Variants in TSHZ2 observed in about 807,000 individuals in gnomAD.
TSHZ2 encodes teashirt zinc finger homeobox 2, also known as teashirt homolog 2.
Under a neutral mutation model 74.4 loss-of-function variants are expected in TSHZ2, and 21 were observed. The ratio of observed to expected loss-of-function variants is 0.28; its 90% CI spans 0.20 to 0.41. The LOEUF (loss-of-function observed/expected upper bound fraction) is 0.41, where lower values mean the gene tolerates loss of function less well. Ranked by LOEUF, TSHZ2 falls within the 10% of genes least tolerant of loss-of-function variation. The probability of loss-of-function intolerance (pLI) is 1.00; values close to 1 mark genes in which losing one functional copy is unlikely to be tolerated. For synonymous variants in TSHZ2, 540 were observed against 515.3 expected (o/e 1.05, Z -0.65); for missense variants, 1,244 against 1,293.5 (o/e 0.96, Z 0.59).
intron 1 of TSHZ2, among the ~76,000 whole-genome samples, chr20:52,979,798 A>G (rs1355446931): frequency 1.3e-5 from 2 of 152,226 alleles, no homozygotes; most frequent in Non-Finnish European, 2.9e-5. Context: ...GAGGCACAGC[A>G]AGATAATCCG....
intron 1 of TSHZ2, among the ~76,000 whole-genome samples, chr20:53,222,094 G>C (rs1407615027): frequency 2.0e-5 from 3 of 152,048 alleles, no homozygotes; most frequent in African/African-American, 7.2e-5. Context: ...TAATATTTAG[G>C]CTAAAAGATA....
At chr20:53,464,404 G>A (rs1244398214) in intron 2 of TSHZ2, among the ~76,000 whole-genome samples, 1 of 152,174 alleles carries the variant, frequency 6.6e-6, no homozygotes, top group African/African-American at 2.4e-5. Flanking sequence ...GTGGAGTTGT[G>A]AGAAGGGCCC....
intron 1 of TSHZ2, among the ~76,000 whole-genome samples, chr20:53,150,336 A>T (rs1987646088): frequency 6.6e-6 from 1 of 152,188 alleles, no homozygotes; most frequent in Admixed American, 6.5e-5. Flanking sequence ...TGATTTAGGA[A>T]ATTAACAATT....
At chr20:53,317,060 G>C (rs151034281) in intron 2 of TSHZ2, among the ~76,000 whole-genome samples, 2 of 152,186 alleles carry the variant, frequency 1.3e-5, no homozygotes, top group Non-Finnish European at 2.9e-5. Flanking sequence ...GCTAATAACA[G>C]TGTGAGAAAG....
chr20:53,378,537 G>A (rs1981744656), intron 2 of TSHZ2, among the ~76,000 whole-genome samples: 3 of 151,956 alleles, frequency 2.0e-5, no homozygotes. Context: ...GTTTCAGTGT[G>A]TCTCTGAATA....
intron 2 of TSHZ2, among the ~76,000 whole-genome samples, chr20:53,364,418 C>G (rs1981181263): frequency 6.6e-6 from 1 of 152,052 alleles, no homozygotes. Context: ...GCCCTCTCCT[C>G]TCTATCCTGC....
intron 1 of TSHZ2, among the ~76,000 whole-genome samples, chr20:53,139,809 G>A (rs1173807798): frequency 2.0e-5 from 3 of 152,038 alleles, no homozygotes; most frequent in Admixed American, 6.5e-5. Context: ...GAATCCATTC[G>A]ACTGTTTATT....
Position 53,191,450 on chromosome 20 carries a change from G to A in TSHZ2, c.41-62049G>A, listed in dbSNP as rs139075477. ...GGCCGAGGCGGGTGGATCACTTGAG[G>A]CCAGGAGTTTGAAACCAGCCTGGGC... On this transcript the variant is annotated intron_variant, in intron 1 of 2. Transcript: ENST00000371497. Among the ~76,000 whole-genome samples, 315 of 152,274 alleles carry A rather than the reference G, an allele frequency of 2.1e-3. 1 individual carries two copies. The highest frequency in any genetic ancestry group is 7.1e-3 in the African/African-American group (293 of 41,540).
At chr20:53,447,797 TCTC>T (rs1424102081) in intron 2 of TSHZ2, among the ~76,000 whole-genome samples, 6 of 152,198 alleles carry the variant, frequency 3.9e-5, no homozygotes, top group Non-Finnish European at 7.3e-5. Context: ...TGATGTGCTC[TCTC>T]CTCGGTGCCT....
intron 2 of TSHZ2, among the ~76,000 whole-genome samples, chr20:53,266,914 C>A (rs1280239210): frequency 1.3e-5 from 2 of 151,830 alleles, no homozygotes; most frequent in East Asian, 3.9e-4. Context: ...AGTAGCTGAG[C>A]TTACGGGTGC....
At chr20:52,980,211 G>T (rs982120521) in intron 1 of TSHZ2, among the ~76,000 whole-genome samples, 1 of 152,192 alleles carries the variant, frequency 6.6e-6, no homozygotes, top group African/African-American at 2.4e-5. Context: ...ACTTTGTTGC[G>T]GCAGGATAAG....
At chr20:53,400,189 G>A (rs1982606458) in intron 2 of TSHZ2, 1 of 152,302 alleles carries the variant, frequency 6.6e-6, no homozygotes, top group South Asian at 2.1e-4. Context: ...GCACACTGTA[G>A]GGTGCTGAAT....
At chr20:53,041,535 C>G (rs1486209122) in intron 1 of TSHZ2, among the ~76,000 whole-genome samples, 1 of 152,066 alleles carries the variant, frequency 6.6e-6, no homozygotes, top group Non-Finnish European at 1.5e-5. Context: ...CCAGGACCAA[C>G]GACATAAAGG....
At chr20:52,975,786 C>T (rs761017688) in intron 1 of TSHZ2, among the ~76,000 whole-genome samples, 1 of 152,182 alleles carries the variant, frequency 6.6e-6, no homozygotes, top group Non-Finnish European at 1.5e-5. Flanking sequence ...ATGCCCTACT[C>T]TATTTCAGCT....
At chr20:53,010,184 C>T (rs1263687004) in intron 1 of TSHZ2, among the ~76,000 whole-genome samples, 1 of 152,128 alleles carries the variant, frequency 6.6e-6, no homozygotes, top group Non-Finnish European at 1.5e-5. Flanking sequence ...TTGGATGGAA[C>T]CCAGGAATCT....
At chr20:52,996,985 TAATTA>T (rs991739565) in intron 1 of TSHZ2, among the ~76,000 whole-genome samples, 6 of 152,008 alleles carry the variant, frequency 3.9e-5, no homozygotes, top group Admixed American at 1.3e-4. Flanking sequence ...CAGAGGTGAG[TAATTA>T]AATTGAGCTC....
At chr20:53,245,042 T>G (rs909537527) in intron 1 of TSHZ2, among the ~76,000 whole-genome samples, 1 of 152,196 alleles carries the variant, frequency 6.6e-6, no homozygotes, top group East Asian at 1.9e-4. Context: ...CAGCCATCTG[T>G]GGGTTCAGGT....
chr20:53,102,470 G>A (rs1364372208), intron 1 of TSHZ2, among the ~76,000 whole-genome samples: 2 of 146,658 alleles, frequency 1.4e-5, no homozygotes, highest in Admixed American at 1.4e-4. Flanking sequence ...AGAGGGGAGG[G>A]AAGAAGAGGG....
intron 1 of TSHZ2, among the ~76,000 whole-genome samples, chr20:53,139,118 A>T (rs1987324021): frequency 6.6e-6 from 1 of 152,182 alleles, no homozygotes; most frequent in South Asian, 2.1e-4. Context: ...TGAAACATTT[A>T]CCCTTAGCAA....
Sources: allele counts gnomAD v4.1 joint callset (sites outside exome capture counted in the v4.1 genomes callset), GRCh38; gene constraint gnomAD v4.1.1; transcripts MANE v1.5; gene names NCBI Gene and HGNC (gene_info 2026-07-23, HGNC 2026-07-21).